Variants in MAP3K20 observed in about 807,000 individuals in gnomAD.
MAP3K20 encodes the protein mitogen-activated protein kinase kinase kinase 20.
Under a neutral mutation model 85.7 loss-of-function variants are expected in MAP3K20, and 40 were observed. The ratio of observed to expected loss-of-function variants is 0.47; its 90% CI spans 0.36 to 0.61. MAP3K20 has a LOEUF of 0.61. Ranked by LOEUF, MAP3K20 falls within the 20% of genes least tolerant of loss-of-function variation. MAP3K20 has a pLI of 0.00. For synonymous variants in MAP3K20, 325 were observed against 327.7 expected (o/e 0.99, Z 0.09); for missense variants, 817 against 961.7 (o/e 0.85, Z 1.99).
chr2:173,251,239 A>G (rs1320367420), intron 16 of MAP3K20, among the ~76,000 whole-genome samples: 1 of 152,002 alleles, frequency 6.6e-6, no homozygotes, highest in African/African-American at 2.4e-5. Context: ...TGACCTCTGT[A>G]TTTTATATTT....
chr2:173,232,985 C>T, intron 14 of MAP3K20, among the ~76,000 whole-genome samples: 1 of 152,216 alleles, frequency 6.6e-6, no homozygotes, highest in East Asian at 1.9e-4. Flanking sequence ...AAGGTGCATA[C>T]ATGGTATAGT....
At chr2:173,199,728 A>G (rs952046199) in intron 8 of MAP3K20, among the ~76,000 whole-genome samples, 12 of 148,528 alleles carry the variant, frequency 8.1e-5, no homozygotes, top group African/African-American at 2.2e-4. Context: ...CCAAATATGT[A>G]TAAGACAGAA....
intron 4 of MAP3K20, among the ~76,000 whole-genome samples, chr2:173,183,728 G>T (rs557755293): frequency 1.3e-5 from 2 of 151,996 alleles, no homozygotes; most frequent in Non-Finnish European, 2.9e-5. Context: ...CCCCTACAAA[G>T]TGTGTCTGAA....
At chr2:173,142,410 T>C (rs1224956866) in intron 2 of MAP3K20, among the ~76,000 whole-genome samples, 5 of 151,404 alleles carry the variant, frequency 3.3e-5, no homozygotes, top group Non-Finnish European at 1.5e-5. Context: ...AGGTGGAGGT[T>C]GCAGTGAGCT....
chr2:173,189,539 T>A lies in MAP3K20; in HGVS notation c.416-1356T>A, dbSNP rs192235033. Among the ~76,000 whole-genome samples, 35 of 152,338 alleles carry A rather than the reference T, an allele frequency of 2.3e-4. No homozygotes were observed. In the East Asian group the frequency reaches 6.6e-3, roughly 29 times the overall value. ...CAAAAACAGATCTCAACTTCAAAAC[T>A]ATTTTTCTATCTGCTGATTAGACAC... On this transcript the variant is annotated intron_variant, in intron 5 of 19. Coordinates refer to ENST00000375213, the MANE Select transcript of MAP3K20 (RefSeq NM_016653.3).
At chr2:173,118,215 T>C (rs970426968) in intron 2 of MAP3K20, among the ~76,000 whole-genome samples, 1 of 152,244 alleles carries the variant, frequency 6.6e-6, no homozygotes, top group Non-Finnish European at 1.5e-5. Flanking sequence ...TCTTAGTTTG[T>C]TGTATTGTTT....
At chr2:173,182,258 T>C (rs780493546) in intron 3 of MAP3K20, among the ~76,000 whole-genome samples, 1 of 152,150 alleles carries the variant, frequency 6.6e-6, no homozygotes. Flanking sequence ...AGAGAACTAT[T>C]TGTAGTGATG....
chr2:173,108,846 A>G (rs1459719935), intron 2 of MAP3K20, among the ~76,000 whole-genome samples: 1 of 152,254 alleles, frequency 6.6e-6, no homozygotes, highest in Non-Finnish European at 1.5e-5. Context: ...CAGTGAGCAC[A>G]TTCTATTTTT....
intron 2 of MAP3K20, among the ~76,000 whole-genome samples, chr2:173,126,596 T>C (rs1688451955): frequency 6.6e-6 from 1 of 152,186 alleles, no homozygotes; most frequent in Non-Finnish European, 1.5e-5. Flanking sequence ...GCCAGGCTGG[T>C]CTCAAACTCC....
rs1420030452 is a variant in MAP3K20 at position 173,267,043 on chromosome 2, T to C, written c.*293T>C. The C allele has an allele frequency of 9.1e-6, 2 of 219,398 alleles. No homozygotes were observed. The highest frequency in any genetic ancestry group is 2.3e-5 in the African/African-American group (1 of 44,038). 13.6% of individuals were successfully genotyped at this position (219,398 alleles called of 1,614,324 possible). On this transcript the variant is annotated 3_prime_UTR_variant, in exon 20 of 20. Transcript: ENST00000375213. ...CATCTTTTTACCCTAACCACTGATA[T>C]TCTGGTTAGCAGGGCCAGGACAAGG...
At chr2:173,234,608 G>C (rs999661567) in intron 14 of MAP3K20, among the ~76,000 whole-genome samples, 1 of 152,152 alleles carries the variant, frequency 6.6e-6, no homozygotes, top group Non-Finnish European at 1.5e-5. Context: ...ATGTAGACCA[G>C]GAAAGGAAAG....
intron 2 of MAP3K20, among the ~76,000 whole-genome samples, chr2:173,133,404 C>T (rs1688672161): frequency 6.6e-6 from 1 of 152,068 alleles, no homozygotes; most frequent in Non-Finnish European, 1.5e-5. Context: ...GAGTAGATGC[C>T]AGAGTTTGAT....
intron 1 of MAP3K20, among the ~76,000 whole-genome samples, 194 bp downstream of exon 1, chr2:173,076,196 G>GGCGA (rs541207482): frequency 7.9e-5 from 12 of 151,668 alleles, no homozygotes; most frequent in South Asian, 2.1e-4. Context: ...CGAGCGGGCG[G>GGCGA]GCGAGCGAGC....
At chr2:173,166,167 A>G (rs1310213505) in intron 2 of MAP3K20, among the ~76,000 whole-genome samples, 2 of 152,236 alleles carry the variant, frequency 1.3e-5, no homozygotes, top group South Asian at 2.1e-4. Flanking sequence ...GATAGTTCAT[A>G]TAAGTAGAAT....
chr2:173,132,319 C>T (rs1688640679), intron 2 of MAP3K20, among the ~76,000 whole-genome samples: 4 of 152,078 alleles, frequency 2.6e-5, no homozygotes. Context: ...GCATTTAGTC[C>T]CTTTACAAAA....
At position 173,131,984 on chromosome 2, in the gene MAP3K20, T is replaced by C. The variant is rs531281904; in HGVS notation, c.160-37821T>C. Among the ~76,000 whole-genome samples, 6 of 152,274 alleles carry C rather than the reference T, an allele frequency of 3.9e-5. No individual in the cohort carries two copies. In the South Asian group the frequency reaches 8.3e-4, roughly 21 times the overall value. On this transcript the variant is annotated intron_variant, in intron 2 of 19. Coordinates refer to ENST00000375213, the MANE Select transcript of MAP3K20 (RefSeq NM_016653.3). ...TCCCCAGATAAATTCTCATCTCTTA[T>C]CAAAAACAAGGTCCCTGGAATGGAA...
intron 8 of MAP3K20, among the ~76,000 whole-genome samples, chr2:173,203,261 G>A (rs1251407506): frequency 4.6e-5 from 7 of 152,142 alleles, no homozygotes; most frequent in Non-Finnish European, 2.9e-5. Flanking sequence ...GGTCCTTAAA[G>A]TATATGGGTT....
intron 2 of MAP3K20, among the ~76,000 whole-genome samples, chr2:173,142,847 G>A (rs1252563457): frequency 1.3e-5 from 2 of 152,104 alleles, no homozygotes; most frequent in Non-Finnish European, 2.9e-5. Flanking sequence ...TTAAATGGCA[G>A]AGATTGCTAG....
intron 1 of MAP3K20, 25 bp from the exon 2 acceptor site, chr2:173,090,973 C>A (rs1687279448): frequency 6.4e-7 from 1 of 1,553,896 alleles, no homozygotes; most frequent in African/African-American, 1.4e-5. Flanking sequence ...TGTAATTCAG[C>A]TTTTCTTTTT....
Sources: gnomAD v4.1 joint callset for allele counts (sites outside exome capture counted in the v4.1 genomes callset) on GRCh38, gnomAD v4.1.1 for gene constraint, MANE v1.5 for transcripts, NCBI Gene and HGNC (gene_info 2026-07-23, HGNC 2026-07-21) for gene names.